MYOM1: variants seen among roughly 807,000 people sequenced by gnomAD.
MYOM1 encodes myomesin 1, also known as myomesin-1.
Under a neutral mutation model 205.3 loss-of-function variants are expected in MYOM1, and 164 were observed. That is an observed-to-expected ratio of 0.80 (90% CI 0.70 to 0.91). MYOM1 has a LOEUF of 0.91. MYOM1 is among the 40% of genes least tolerant of loss of function. The pLI, the probability that MYOM1 is intolerant of heterozygous loss-of-function variation, is 0.00. For synonymous variants in MYOM1, 772 were observed against 789.4 expected (o/e 0.98, Z 0.37); for missense variants, 2,011 against 2,127.3 (o/e 0.95, Z 1.08).
In MYOM1 at chr18:3,094,255, A is replaced by T. The variant is rs2079267888; in HGVS notation, c.3779T>A (p.Val1260Asp). 1 of 1,613,840 alleles carries T rather than the reference A, an allele frequency of 6.2e-7. No individual in the cohort carries two copies. The highest frequency in any genetic ancestry group is 1.1e-5 in the South Asian group (1 of 91,086). ...LAVEILEKGQ[V>D]RFWMQAEKLS... The stretch of plus-strand genomic sequence containing the variant: ...TTTCTCAGCCTGCATCCAAAACCGG[A>T]CCTGGCCTTTCTCCAAAATTTCAAC... The change falls in exon 26 of 38, where the codon GTC (valine) becomes GAC (aspartate). Residue 1260 changes from valine to aspartate, a missense_variant. Transcript: ENST00000356443.
intron 10 of MYOM1, 22 bp from the exon 11 acceptor site, chr18:3,155,110 C>T: frequency 1.3e-6 from 2 of 1,595,034 alleles, no homozygotes; most frequent in South Asian, 2.3e-5. Flanking sequence ...GAGAAGGATC[C>T]CATTAACCCT....
At chr18:3,165,405 T>C (rs560242098) in intron 9 of MYOM1, among the ~76,000 whole-genome samples, 1 of 152,358 alleles carries the variant, frequency 6.6e-6, no homozygotes, top group Non-Finnish European at 1.5e-5. Context: ...ATTCTATTAC[T>C]GTATCTTCAA....
At chr18:3,068,642 A>G (rs920616924) in intron 37 of MYOM1, among the ~76,000 whole-genome samples, 11 of 152,200 alleles carry the variant, frequency 7.2e-5, no homozygotes, top group Admixed American at 7.2e-4. Context: ...TGCACTGTAT[A>G]ACCTTTCAGA....
intron 23 of MYOM1, among the ~76,000 whole-genome samples, chr18:3,100,812 T>C (rs895652460): frequency 6.6e-6 from 1 of 152,238 alleles, no homozygotes; most frequent in African/African-American, 2.4e-5. Context: ...TGCCATCTCC[T>C]GCTCTTCCCT....
intron 17 of MYOM1, 32 bp downstream of exon 17, chr18:3,131,343 T>C (rs2079872623): frequency 6.2e-7 from 1 of 1,607,420 alleles, no homozygotes; most frequent in Non-Finnish European, 8.5e-7. Flanking sequence ...AAATCCATTT[T>C]TCCCCCATAC....
chr18:3,071,317 T>A (rs1284451628), intron 37 of MYOM1, among the ~76,000 whole-genome samples: 1 of 152,180 alleles, frequency 6.6e-6, no homozygotes. Context: ...AGACAAACTT[T>A]TATGCCGATG....
the MYOM1 span, among the ~76,000 whole-genome samples, chr18:3,234,174 C>A: frequency 1.3e-5 from 2 of 151,912 alleles, no homozygotes; most frequent in African/African-American, 2.4e-5. Flanking sequence ...ATAGGACGTG[C>A]TCAATAAAGA....
In MYOM1 at chr18:3,082,997, A is replaced by G. The variant is rs138789613; in HGVS notation, c.4484+792T>C. Among the ~76,000 whole-genome samples the G allele has an allele frequency of 5.4e-3, 818 of 152,256 alleles. 5 individuals carry two copies. The highest frequency in any genetic ancestry group is 0.019 in the African/African-American group (786 of 41,548). On this transcript the variant is annotated intron_variant, in intron 33 of 37. Transcript: ENST00000356443. ...TGCCCATTCATTCATATCATGGGAA[A>G]TTTGGTGCCTCCTGGTGCACACTGC...
At chr18:3,216,330 T>C (rs2081266729) in intron 1 of MYOM1, among the ~76,000 whole-genome samples, 1 of 152,202 alleles carries the variant, frequency 6.6e-6, no homozygotes, top group Non-Finnish European at 1.5e-5. Context: ...CCTGCTCTAA[T>C]TACCTTGTAC....
intron 19 of MYOM1, among the ~76,000 whole-genome samples, chr18:3,124,083 C>CA (rs1288973784): frequency 6.6e-6 from 1 of 151,364 alleles, no homozygotes; most frequent in Non-Finnish European, 1.5e-5. Context: ...GTGATCCCCC[C>CA]ACCTCGGCCT....
intron 23 of MYOM1, 95 bp downstream of exon 23, chr18:3,102,379 C>T: frequency 8.5e-7 from 1 of 1,181,254 alleles, no homozygotes; most frequent in Non-Finnish European, 1.2e-6. Flanking sequence ...GTGACTTCAT[C>T]CTCTTATTCC....
rs2079268093 is a variant in MYOM1, at chr18:3,094,261, C to G, written c.3773G>C (p.Gly1258Ala). ...SELAVEILEK[G>A]QVRFWMQAEK... ...AGCCTGCATCCAAAACCGGACCTGGCCTTTCTCCAAAATTTCAACTGCCAA... is the reference window on the plus strand; with the variant it reads ...AGCCTGCATCCAAAACCGGACCTGGGCTTTCTCCAAAATTTCAACTGCCAA... The change falls in exon 26 of 38, where the codon GGC becomes GCC. Residue 1258 changes from glycine (G) to alanine (A), a missense_variant. Gly to Ala is a moderately conservative substitution (Grantham distance 60). Coordinates refer to ENST00000356443, the MANE Select transcript of MYOM1 (RefSeq NM_003803.4). 6.2e-7 allele frequency: 1 copy of G among 1,613,726 alleles called. No homozygotes were observed. The highest frequency in any genetic ancestry group is 1.7e-5 in the Admixed American group (1 of 59,970).
At chr18:3,137,253 G>GT (rs982453589) in intron 14 of MYOM1, among the ~76,000 whole-genome samples, 2 of 151,628 alleles carry the variant, frequency 1.3e-5, no homozygotes, top group East Asian at 1.9e-4. Context: ...CCGGCCCAGT[G>GT]TTTTTTTTCT....
chr18:3,089,517 T>C lies in MYOM1; in HGVS notation c.4069+20A>G. On this transcript the variant is annotated intron_variant, in intron 28 of 37. Transcript: ENST00000356443. ...ACAAAAAAATTAAAAATTTTCTCTT[T>C]ATCCACGGCCTATTTTTACCTTGTT... 6.3e-7 allele frequency: 1 copy of C among 1,589,840 alleles called. No individual in the cohort carries two copies. Among genetic ancestry groups the C allele is most frequent in the Non-Finnish European group, 8.6e-7 (1 of 1,166,928 alleles).
chr18:3,092,085 T>A (rs1410442795), intron 26 of MYOM1, among the ~76,000 whole-genome samples: 2 of 152,196 alleles, frequency 1.3e-5, no homozygotes, highest in Non-Finnish European at 2.9e-5. Flanking sequence ...CAGAGGCAGG[T>A]ATCTTGCTCA....
In MYOM1 at chr18:3,151,870, C is replaced by T. The variant is rs1262956277; in HGVS notation, c.1667G>A (p.Trp556Ter). Residue 556 changes from tryptophan (W) to a stop codon, truncating the protein, a stop_gained, in exon 12 of 38, where the codon TGG (tryptophan) becomes TAG (stop). Transcript: ENST00000356443. LOFTEE classifies it high-confidence loss of function. ...CACAGGTGTGTCATTGCACTGCGAC[C>T]AGCTATCTGTGCCCACCTCACACCT... ...IDKCEVGTDS[W>*]SQCNDTPVKF... 6.2e-7 allele frequency: 1 copy of T among 1,612,684 alleles called. No individual in the cohort carries two copies. Among genetic ancestry groups the T allele is most frequent in the African/African-American group, 1.3e-5 (1 of 75,002 alleles).
Position 3,183,909 on chromosome 18 carries a change from C to CT in MYOM1, c.929+3570dup, listed in dbSNP as rs1555627860. Among the ~76,000 whole-genome samples the CT allele has an allele frequency of 1.9e-3, 277 of 143,378 alleles. No individual in the cohort carries two copies. The South Asian group carries it at 0.028, about 15-fold the overall frequency. 94.1% of individuals were successfully genotyped at this position (143,378 alleles called of 152,430 possible). On this transcript the variant is annotated intron_variant, in intron 5 of 37. Coordinates refer to ENST00000356443, the MANE Select transcript of MYOM1 (RefSeq NM_003803.4). The stretch of plus-strand genomic sequence containing the variant: ...CAGTGAATCATTTTTCGTTCTCTCT[C>CT]TTTTTTTTTTTTTTGAGACAGGGTC...
chr18:3,094,199 A>T lies in MYOM1; in HGVS notation c.3835T>A (p.Phe1279Ile). Residue 1279 changes from phenylalanine to isoleucine, a missense_variant, in exon 26 of 38, where the codon TTT becomes ATT. By Grantham distance (21) the Phe-to-Ile change is conservative (BLOSUM62 0). Coordinates refer to ENST00000356443, the MANE Select transcript of MYOM1 (RefSeq NM_003803.4). ...CCTTCAAAAATTTCCTTCTCGTTAAATATGTAGTTGACTTTGGCATTGCCA... is the reference window on the plus strand; with the variant it reads ...CCTTCAAAAATTTCCTTCTCGTTAATTATGTAGTTGACTTTGGCATTGCCA... ...LSGNAKVNYI[F>I]NEKEIFEGPK... 6.2e-7 allele frequency: 1 copy of T among 1,614,004 alleles called. No individual in the cohort carries two copies. Among genetic ancestry groups the T allele is most frequent in the Non-Finnish European group, 8.5e-7 (1 of 1,179,864 alleles).
chr18:3,229,764 G>A, the MYOM1 span, among the ~76,000 whole-genome samples: 1 of 152,104 alleles, frequency 6.6e-6, no homozygotes. Context: ...GAGGTCGAGA[G>A]TTCAAGACCA....
Sources: gnomAD v4.1 joint callset for allele counts (sites outside exome capture counted in the v4.1 genomes callset) on GRCh38, gnomAD v4.1.1 for gene constraint, MANE v1.5 for transcripts, NCBI Gene and HGNC (gene_info 2026-07-23, HGNC 2026-07-21) for gene names.